Variants in PCDHA10 observed in about 807,000 individuals in gnomAD.
PCDHA10 encodes the protein protocadherin alpha 10.
In PCDHA10, 45 loss-of-function variants were observed where a neutral mutation model predicts 61.2. That is an observed-to-expected ratio of 0.74 (90% CI 0.58 to 0.94). The LOEUF is 0.94. Among genes scored for constraint, PCDHA10 ranks in the 40% least tolerant of loss-of-function variants. The pLI is 0.00. For synonymous variants in PCDHA10, 602 were observed against 548.8 expected (o/e 1.10, Z -1.35); for missense variants, 1,278 against 1,236.2 (o/e 1.03, Z -0.51).
intron 1 of PCDHA10, among the ~76,000 whole-genome samples, chr5:140,891,305 C>T (rs2063030266): frequency 6.6e-6 from 1 of 152,042 alleles, no homozygotes; most frequent in South Asian, 2.1e-4. Context: ...TATTTGATTA[C>T]ATGAGTAAGT....
intron 1 of PCDHA10, among the ~76,000 whole-genome samples, chr5:140,914,442 CT>C (rs782585142): frequency 1.5e-4 from 23 of 152,072 alleles, no homozygotes; most frequent in Non-Finnish European, 2.9e-4. Context: ...TTTCCCATGT[CT>C]TTATTTTCCA....
chr5:140,869,564 T>A, intron 1 of PCDHA10: 2 of 1,614,176 alleles, frequency 1.2e-6, no homozygotes, highest in South Asian at 2.2e-5. Context: ...CGTTTTCCAC[T>A]AGAGGGAGCT....
chr5:140,890,190 A>C (rs1213958471), intron 1 of PCDHA10, among the ~76,000 whole-genome samples: 3 of 152,084 alleles, frequency 2.0e-5, no homozygotes, highest in Middle Eastern at 3.2e-3. Flanking sequence ...TACAAAACAG[A>C]GTTTTTTGTT....
At position 140,856,947 on chromosome 5, in the gene PCDHA10, A is replaced by T. The variant is rs1486886568; in HGVS notation, c.899A>T (p.Glu300Val). The T allele has an allele frequency of 6.3e-7, 1 of 1,592,258 alleles. No individual in the cohort carries two copies. Reference sequence around the variant, plus strand: ...TTTTGGATAAACGAAAGGACGGGAGAAATAAAAGTAAATGATGCTATTGAC... The same window carrying T: ...TTTTGGATAAACGAAAGGACGGGAGTAATAAAAGTAAATGATGCTATTGAC... Reference protein sequence around the residue: ...RKFWINERTGEIKVNDAIDFE... With the variant: ...RKFWINERTGVIKVNDAIDFE... The change falls in exon 1 of 4, where the codon GAA (glutamate) becomes GTA (valine). Residue 300 changes from glutamate to valine, a missense_variant. Coordinates refer to ENST00000307360, the MANE Select transcript of PCDHA10 (RefSeq NM_018901.4).
chr5:140,927,702 C>T (rs533775539), intron 1 of PCDHA10: 2 of 1,614,210 alleles, frequency 1.2e-6, no homozygotes, highest in South Asian at 1.1e-5. Flanking sequence ...AAGTCCAGTA[C>T]TCCCTAAGCA....
At chr5:140,984,566 C>T (rs899278255) in intron 3 of PCDHA10, among the ~76,000 whole-genome samples, 4 of 152,124 alleles carry the variant, frequency 2.6e-5, no homozygotes, top group Non-Finnish European at 5.9e-5. Context: ...TCCAACTACT[C>T]CATGGCAACC....
intron 1 of PCDHA10, chr5:140,877,907 T>G (rs2057390973): frequency 2.1e-6 from 3 of 1,433,442 alleles, no homozygotes; most frequent in Non-Finnish European, 2.8e-6. Context: ...TATAACTACA[T>G]TCTCTCATTT....
At chr5:140,993,032 G>A (rs1356944264) in intron 3 of PCDHA10, among the ~76,000 whole-genome samples, 2 of 152,286 alleles carry the variant, frequency 1.3e-5, no homozygotes, top group South Asian at 2.1e-4. Flanking sequence ...TGTGGGCTCC[G>A]TGTGTCATCA....
intron 1 of PCDHA10, among the ~76,000 whole-genome samples, chr5:140,895,848 G>T (rs147299280): frequency 6.6e-6 from 1 of 151,982 alleles, no homozygotes; most frequent in Non-Finnish European, 1.5e-5. Flanking sequence ...TCTCACTCTT[G>T]TACCCCAGGC....
chr5:140,949,924 A>AT (rs144693243), intron 1 of PCDHA10, among the ~76,000 whole-genome samples: 6 of 151,302 alleles, frequency 4.0e-5, no homozygotes, highest in African/African-American at 7.3e-5. Context: ...CTATTTTTAG[A>AT]TTTTTTTTAA....
rs377081112 is a variant in PCDHA10 at position 140,871,063 on chromosome 5, G to T, written c.2388+12627G>T. The T allele has an allele frequency of 1.1e-5, 18 of 1,613,154 alleles. No homozygotes were observed. In the African/African-American group the frequency reaches 2.0e-4, roughly 18 times the overall value. On this transcript the variant is annotated intron_variant, in intron 1 of 3. Transcript: ENST00000307360. ...ACTTCTAGTACTGGTGAAGGATCAC[G>T]GTGAGCCGGCGCTGACGGCCACGGC...
At chr5:140,889,042 A>G (rs1395605890) in intron 1 of PCDHA10, among the ~76,000 whole-genome samples, 1 of 152,046 alleles carries the variant, frequency 6.6e-6, no homozygotes, top group African/African-American at 2.4e-5. Context: ...ATTTGATTAT[A>G]ATTTATAATC....
intron 1 of PCDHA10, among the ~76,000 whole-genome samples, chr5:140,917,726 G>A (rs1192405804): frequency 6.6e-6 from 1 of 152,114 alleles, no homozygotes; most frequent in Admixed American, 6.6e-5. Flanking sequence ...TTATTTCTGG[G>A]TTCTCTAACC....
intron 1 of PCDHA10, among the ~76,000 whole-genome samples, chr5:140,913,425 G>A (rs919355007): frequency 1.1e-4 from 16 of 152,094 alleles, no homozygotes; most frequent in African/African-American, 1.2e-4. Context: ...AGTATCAGTT[G>A]TAATGCCTCC....
intron 1 of PCDHA10, among the ~76,000 whole-genome samples, chr5:140,894,725 G>A (rs3776121): frequency 0.31 from 47,403 of 151,506 alleles, 8,352 homozygotes; most frequent in East Asian, 0.53. Context: ...CAAATATTAC[G>A]TAGCAATTTG....
intron 1 of PCDHA10, among the ~76,000 whole-genome samples, chr5:140,910,654 C>T (rs961570287): frequency 1.3e-5 from 2 of 152,218 alleles, no homozygotes; most frequent in African/African-American, 2.4e-5. Flanking sequence ...TTGATCCCTT[C>T]CTCTACATTA....
At chr5:140,946,611 A>ATATATATATATATATATATATATAT (rs2093972523) in intron 1 of PCDHA10, among the ~76,000 whole-genome samples, 1 of 86,812 alleles carries the variant, frequency 1.2e-5, no homozygotes, top group African/African-American at 6.4e-5. Context: ...GAAAATGTGA[A>ATATATATATATATATATATATATAT]ATATATATAT....
chr5:140,876,620 G>A lies in PCDHA10; in HGVS notation c.2388+18184G>A, dbSNP rs782423759. The A allele has an allele frequency of 1.1e-5, 18 of 1,614,062 alleles. No homozygotes were observed. The highest frequency in any genetic ancestry group is 1.7e-5 in the Admixed American group (1 of 60,010). Reference sequence around the variant, plus strand: ...TCGGATCGTGACTCTGGAGCCAATGGACAGGTCATCTGCTCACTGACACCT... The same window carrying A: ...TCGGATCGTGACTCTGGAGCCAATGAACAGGTCATCTGCTCACTGACACCT... On this transcript the variant is annotated intron_variant, in intron 1 of 3. Coordinates refer to ENST00000307360, the MANE Select transcript of PCDHA10 (RefSeq NM_018901.4).
chr5:141,011,749 G>T lies in PCDHA10; in HGVS notation c.*1812G>T, dbSNP rs782567787. 1.2e-4 allele frequency: 18 copies of T among 153,636 alleles called. No homozygotes were observed. Among genetic ancestry groups the T allele is most frequent in the Non-Finnish European group, 2.5e-4 (17 of 68,010 alleles). 9.5% of individuals were successfully genotyped at this position (153,636 alleles called of 1,614,324 possible). A position where few individuals can be genotyped will look rare whatever the true frequency, so the allele number is the denominator to read the frequency against. On this transcript the variant is annotated 3_prime_UTR_variant, in exon 4 of 4. Coordinates refer to ENST00000307360, the MANE Select transcript of PCDHA10 (RefSeq NM_018901.4). ...GTGCAAGCACAAATTTTACCAATCT[G>T]ACCTCTTTGAAGTTGCAGAATGCTT...
Sources: allele counts gnomAD v4.1 joint callset (sites outside exome capture counted in the v4.1 genomes callset), GRCh38; gene constraint gnomAD v4.1.1; transcripts MANE v1.5; gene names NCBI Gene and HGNC (gene_info 2026-07-23, HGNC 2026-07-21).